The following TRAF6 variants were observed in gnomAD, a reference collection of about 807,000 sequenced individuals.
The protein encoded by TRAF6 is TNF receptor-associated factor 6.
TRAF6 carries 10 observed loss-of-function variants against 48.4 expected under a neutral mutation model. The ratio of observed to expected loss-of-function variants is 0.21; its 90% CI spans 0.13 to 0.35. TRAF6 has a LOEUF of 0.35. Ranked by LOEUF, TRAF6 falls within the 10% of genes least tolerant of loss-of-function variation. TRAF6 has a pLI of 1.00. For synonymous variants in TRAF6, 186 were observed against 219.6 expected, an observed-to-expected ratio of 0.85 and a Z score of 1.35; for missense variants, 397 against 661.0, an observed-to-expected ratio of 0.60 and a Z score of 4.38.
chr11:36,489,460 C>CTCT lies in TRAF6; in HGVS notation c.*377_*378insAGA. The CTCT allele has an allele frequency of 5.1e-6, 1 of 195,350 alleles. No homozygotes were observed. The allele number at this position is 195,350 out of a possible 1,614,324, so 12.1% of individuals were successfully genotyped here. A position where few individuals can be genotyped will look rare whatever the true frequency, so the allele number is the denominator to read the frequency against. Reference sequence around the variant, plus strand: ...TATTACATATAATACTACAAAAAGACTGAAGTTTTAAGGAAAATCCATTAT... The same window carrying CTCT: ...TATTACATATAATACTACAAAAAGACTCTTGAAGTTTTAAGGAAAATCCATTAT... On this transcript the variant is annotated 3_prime_UTR_variant, in exon 7 of 7. Transcript: ENST00000526995.
chr11:36,497,265 T>C lies in TRAF6; in HGVS notation c.449A>G (p.Asp150Gly). Residue 150 changes from aspartate to glycine, a missense_variant and splice_region_variant, in exon 4 of 7, where the codon GAT (aspartate) becomes GGT (glycine). Coordinates refer to ENST00000526995, the MANE Select transcript of TRAF6 (RefSeq NM_004620.4). ...AGCAAACTCACAATGTGCTTGATGATCCTATAATTAAAAAAATAATGGATT... is the reference window on the plus strand; with the variant it reads ...AGCAAACTCACAATGTGCTTGATGACCCTATAATTAAAAAAATAATGGATT... The part of the protein sequence containing the change: ...LHKMELRHLE[D>G]HQAHCEFALM... 6.6e-7 allele frequency: 1 copy of C among 1,524,630 alleles called. No individual in the cohort carries two copies. The highest frequency in any genetic ancestry group is 2.4e-5 in the East Asian group (1 of 41,462). The allele number at this position is 1,524,630 out of a possible 1,614,324, so 94.4% of individuals were successfully genotyped here. A position where few individuals can be genotyped will look rare whatever the true frequency, so the allele number is the denominator to read the frequency against.
rs5030444 is a variant in TRAF6 at position 36,502,235 on chromosome 11, T to C, written c.-22-698A>G. On this transcript the variant is annotated intron_variant, in intron 1 of 6. Transcript: ENST00000526995. ...GGAGATTTCTATTAGGTATTAAAAATAGAATTGAAAAAGTGTATTTTTATG... is the reference window on the plus strand; with the variant it reads ...GGAGATTTCTATTAGGTATTAAAAACAGAATTGAAAAAGTGTATTTTTATG... Among the ~76,000 whole-genome samples, 736 of 152,300 alleles carry C rather than the reference T, an allele frequency of 4.8e-3. 7 individuals are homozygous for C. Among genetic ancestry groups the C allele is most frequent in the African/African-American group, 0.016 (671 of 41,570 alleles).
intron 5 of TRAF6, 77 bp from the exon 6 acceptor site, chr11:36,492,705 G>A: frequency 1.8e-6 from 2 of 1,125,110 alleles, no homozygotes; most frequent in Non-Finnish European, 2.6e-6. Flanking sequence ...CATTTAAACT[G>A]TATTGTCAAT....
At position 36,483,839 on chromosome 11, in the gene TRAF6, T is replaced by A. The variant is rs754788954; in HGVS notation, c.*5999A>T. Among the ~76,000 whole-genome samples the A allele has an allele frequency of 1.3e-5, 2 of 152,156 alleles. No individual in the cohort carries two copies. Among genetic ancestry groups the A allele is most frequent in the East Asian group, 3.8e-4 (2 of 5,200 alleles). ...ACATTGATGCAGTACATAGGGCTGG[T>A]AAGGAAGTAGTAACAGTGCGGAGGG... On this transcript the variant is annotated 3_prime_UTR_variant, in exon 7 of 7. Transcript: ENST00000526995.
chr11:36,494,992 A>G lies in TRAF6; in HGVS notation c.662T>C (p.Ile221Thr), dbSNP rs1325739918. The G allele has an allele frequency of 6.2e-7, 1 of 1,601,468 alleles. No homozygotes were observed. Among genetic ancestry groups the G allele is most frequent in the African/African-American group, 1.3e-5 (1 of 74,650 alleles). Reference sequence around the variant, plus strand: ...GAATAATACCTGTTCTCTGATGAGTATAGTATTGCAGTATTCACAGATGAC... The same window carrying G: ...GAATAATACCTGTTCTCTGATGAGTGTAGTATTGCAGTATTCACAGATGAC... ...ANVICEYCNT[I>T]LIREQMPNHY... The change falls in exon 5 of 7, where the codon ATA becomes ACA. Residue 221 changes from isoleucine to threonine, a missense_variant. Physicochemically the swap from Ile to Thr is moderately conservative, Grantham distance 89. Around this residue, in one of 4 missense-constraint regions of TRAF6, gnomAD observed 245 missense variants for 349.1 expected, o/e 0.70. Coordinates refer to ENST00000526995, the MANE Select transcript of TRAF6 (RefSeq NM_004620.4).
At chr11:36,495,854 T>A (rs901774157) in intron 4 of TRAF6, among the ~76,000 whole-genome samples, 6 of 152,098 alleles carry the variant, frequency 3.9e-5, no homozygotes, top group Admixed American at 1.3e-4. Context: ...ATTGCGCCAT[T>A]GCATTCCAGC....
In TRAF6 at chr11:36,486,356, A is replaced by G. The variant is rs555852492; in HGVS notation, c.*3482T>C. ...GCCCAGCCTAATAGTATTTTATATA[A>G]AATAATGAGTAGAACTTGAGGCAAG... On this transcript the variant is annotated 3_prime_UTR_variant, in exon 7 of 7. Transcript: ENST00000526995. 2.6e-5 allele frequency among the ~76,000 whole-genome samples: 4 copies of G among 152,294 alleles called. No homozygotes were observed. The highest frequency in any genetic ancestry group is 4.4e-5 in the Non-Finnish European group (3 of 68,034).
rs930710814 is a variant in TRAF6 at position 36,485,773 on chromosome 11, T to A, written c.*4065A>T. 3.3e-5 allele frequency among the ~76,000 whole-genome samples: 5 copies of A among 152,102 alleles called. No individual in the cohort carries two copies. Among genetic ancestry groups the A allele is most frequent in the Admixed American group, 6.5e-5 (1 of 15,270 alleles). Reference sequence around the variant, plus strand: ...ACTGAAAGTGAAGGCTGTAATTGAGTGTCACAGTCTGCCAAGATCCATCCA... The same window carrying A: ...ACTGAAAGTGAAGGCTGTAATTGAGAGTCACAGTCTGCCAAGATCCATCCA... On this transcript the variant is annotated 3_prime_UTR_variant, in exon 7 of 7. Transcript: ENST00000526995.
Position 36,507,452 on chromosome 11 carries a change from GTA to G in TRAF6, c.-23+2594_-23+2595del, listed in dbSNP as rs1206923384. Reference sequence around the variant, plus strand: ...ATACATGTATTATACATACATAAATGTATATATATATACATGTATTATACATA... The same window carrying G: ...ATACATGTATTATACATACATAAATGTATATATATACATGTATTATACATA... On this transcript the variant is annotated intron_variant, in intron 1 of 6. Transcript: ENST00000526995. 6.6e-4 allele frequency among the ~76,000 whole-genome samples: 2 copies of G among 3,048 alleles called. 1 individual carries two copies. Among genetic ancestry groups the G allele is most frequent in the African/African-American group, 7.3e-4 (2 of 2,754 alleles). The allele number at this position is 3,048 out of a possible 152,430, so 2.0% of individuals were successfully genotyped here. A position where few individuals can be genotyped will look rare whatever the true frequency, so the allele number is the denominator to read the frequency against.
At chr11:36,501,968 C>T (rs780215269) in intron 1 of TRAF6, among the ~76,000 whole-genome samples, 1 of 152,188 alleles carries the variant, frequency 6.6e-6, no homozygotes, top group Admixed American at 6.5e-5. Context: ...ATTTTTCATA[C>T]AGTAAGTGTT....
chr11:36,506,378 T>TC (rs1360403912), intron 1 of TRAF6, among the ~76,000 whole-genome samples: 1 of 152,192 alleles, frequency 6.6e-6, no homozygotes, highest in Non-Finnish European at 1.5e-5. Context: ...GAGTCCATTT[T>TC]CTCTACGCTT....
chr11:36,495,025 A>G lies in TRAF6; in HGVS notation c.629T>C (p.Leu210Ser), dbSNP rs1434629204. ...DKEIHDQNCP[L>S]ANVICEYCNT... is the part of the protein sequence containing the mutation. ...GCAGTATTCACAGATGACATTTGCC[A>G]AAGGACAGTTCTGGTCATGGATCTG... The change falls in exon 5 of 7, where the codon TTG (leucine) becomes TCG (serine). Residue 210 changes from leucine (L) to serine (S), a missense_variant. Coordinates refer to ENST00000526995, the MANE Select transcript of TRAF6 (RefSeq NM_004620.4). 6.2e-7 allele frequency: 1 copy of G among 1,606,220 alleles called. No homozygotes were observed.
Position 36,486,465 on chromosome 11 carries a change from T to TG in TRAF6, c.*3372dup, listed in dbSNP as rs1443423576. Reference sequence around the variant, plus strand: ...TAACTGTATACATAATTCATAAGCATGCTTAGTTTATCTAAGACTTACTGG... The same window carrying TG: ...TAACTGTATACATAATTCATAAGCATGGCTTAGTTTATCTAAGACTTACTGG... On this transcript the variant is annotated 3_prime_UTR_variant, in exon 7 of 7. Coordinates refer to ENST00000526995, the MANE Select transcript of TRAF6 (RefSeq NM_004620.4). 2.0e-5 allele frequency among the ~76,000 whole-genome samples: 3 copies of TG among 152,154 alleles called. No individual in the cohort carries two copies. Among genetic ancestry groups the TG allele is most frequent in the African/African-American group, 7.2e-5 (3 of 41,396 alleles).
In TRAF6 at chr11:36,488,057, T is replaced by C. The variant is rs950160648; in HGVS notation, c.*1781A>G. ...CTACTGTTCAGTTTTTAAATGGAACTTGACAATTATTTATTCATTGTAAAA... is the reference window on the plus strand; with the variant it reads ...CTACTGTTCAGTTTTTAAATGGAACCTGACAATTATTTATTCATTGTAAAA... On this transcript the variant is annotated 3_prime_UTR_variant, in exon 7 of 7. Transcript: ENST00000526995. The C allele has an allele frequency of 2.0e-5, 3 of 152,206 alleles. No individual in the cohort carries two copies. The highest frequency in any genetic ancestry group is 4.4e-5 in the Non-Finnish European group (3 of 68,050). The allele number at this position is 152,206 out of a possible 1,614,324, so 9.4% of individuals were successfully genotyped here.
In TRAF6 at chr11:36,487,404, T is replaced by C. The variant is rs569851323; in HGVS notation, c.*2434A>G. 7 of 152,344 alleles carry C rather than the reference T, an allele frequency of 4.6e-5. No individual in the cohort carries two copies. In the South Asian group the frequency reaches 6.2e-4, roughly 14 times the overall value. 9.4% of individuals were successfully genotyped at this position (152,344 alleles called of 1,614,324 possible). A position where few individuals can be genotyped will look rare whatever the true frequency, so the allele number is the denominator to read the frequency against. ...TGACTATTCTACTTTGTAGTCAAGA[T>C]GAATGACCAGCATAAAATAACTGGC... On this transcript the variant is annotated 3_prime_UTR_variant, in exon 7 of 7. Transcript: ENST00000526995.
intron 6 of TRAF6, 94 bp downstream of exon 6, chr11:36,492,457 A>G: frequency 1.9e-6 from 2 of 1,060,774 alleles, no homozygotes; most frequent in Non-Finnish European, 2.8e-6. Flanking sequence ...ACTGCTTTAC[A>G]ACTACATCTA....
chr11:36,504,992 C>A (rs5030497), intron 1 of TRAF6, among the ~76,000 whole-genome samples: 2,009 of 152,300 alleles, frequency 0.013, 32 homozygotes, highest in East Asian at 0.07. Context: ...CAGTAAACTA[C>A]GCTGTAAACA....
rs564009017 is a variant in TRAF6 at position 36,504,373 on chromosome 11, A to T, written c.-22-2836T>A. Among the ~76,000 whole-genome samples, 4 of 152,320 alleles carry T rather than the reference A, an allele frequency of 2.6e-5. No individual in the cohort carries two copies. In the South Asian group the frequency reaches 8.3e-4, roughly 32 times the overall value. On this transcript the variant is annotated intron_variant, in intron 1 of 6. Coordinates refer to ENST00000526995, the MANE Select transcript of TRAF6 (RefSeq NM_004620.4). ...TTGTTGTTATTTCAACAATGTTCAC[A>T]GCATCCTCACCAGGAGTTGATTCCA...
At chr11:36,495,137 TAAAC>T in intron 4 of TRAF6, 90 bp from the exon 5 acceptor site, 2 of 915,702 alleles carry the variant, frequency 2.2e-6, no homozygotes. Context: ...TTTTTCACTA[TAAAC>T]AAATAAGGAC....
Sources: allele counts gnomAD v4.1 joint callset (sites outside exome capture counted in the v4.1 genomes callset), GRCh38; gene constraint gnomAD v4.1.1; regional missense constraint gnomAD v4.1.1; transcripts MANE v1.5; gene names NCBI Gene and HGNC (gene_info 2026-07-23, HGNC 2026-07-21).